DISC1: variants seen among roughly 807,000 people sequenced by gnomAD.
DISC1 encodes DISC1 scaffold protein.
DISC1 carries 57 observed loss-of-function variants against 84.5 expected under a neutral mutation model. The observed-to-expected ratio is 0.67, with a 90% CI of 0.55 to 0.84. The LOEUF (loss-of-function observed/expected upper bound fraction) is 0.84, where lower values mean the gene tolerates loss of function less well. Among genes scored for constraint, DISC1 ranks in the 40% least tolerant of loss-of-function variants. The probability of loss-of-function intolerance (pLI) is 0.00; values close to 1 mark genes in which losing one functional copy is unlikely to be tolerated. For missense variants in DISC1, 1,000 were observed against 1,057.8 expected, an observed-to-expected ratio of 0.95 and a Z score of 0.76; for synonymous variants, 411 against 415.2, an observed-to-expected ratio of 0.99 and a Z score of 0.12.
intron 4 of DISC1, among the ~76,000 whole-genome samples, chr1:231,761,169 G>A (rs1538978): frequency 0.15 from 22,887 of 152,128 alleles, 1,963 homozygotes; most frequent in Non-Finnish European, 0.2. Context: ...TGTGGGTTCC[G>A]GGTGTGATCT....
At chr1:232,023,785 T>A (rs1669184821) in intron 11 of DISC1, among the ~76,000 whole-genome samples, 1 of 152,188 alleles carries the variant, frequency 6.6e-6, no homozygotes, top group Non-Finnish European at 1.5e-5. Context: ...TTTTTCTCTC[T>A]TTAAGTGTGT....
In DISC1 at chr1:231,750,077, G is replaced by C; in HGVS notation, c.1268+1G>C. 1 of 1,612,788 alleles carries C rather than the reference G, an allele frequency of 6.2e-7. No individual in the cohort carries two copies. Among genetic ancestry groups the C allele is most frequent in the Non-Finnish European group, 8.5e-7 (1 of 1,179,450 alleles). On this transcript the variant is annotated splice_donor_variant, in intron 4 of 12. Coordinates refer to ENST00000439617, the MANE Select transcript of DISC1 (RefSeq NM_018662.3). LOFTEE classifies it high-confidence loss of function. ...CCTTGCGCCGTGGGGCCACTCAGCA[G>C]TGAGTACTTGTTATTGTCACCATTT...
intron 3 of DISC1, among the ~76,000 whole-genome samples, chr1:231,710,990 T>A (rs2067750098): frequency 6.6e-6 from 1 of 152,196 alleles, no homozygotes; most frequent in African/African-American, 2.4e-5. Context: ...CTATCTGTGG[T>A]CATTGTGGTC....
At chr1:231,857,991 C>T (rs2084385644) in intron 9 of DISC1, among the ~76,000 whole-genome samples, 1 of 152,144 alleles carries the variant, frequency 6.6e-6, no homozygotes, top group African/African-American at 2.4e-5. Flanking sequence ...CGCTATAGGC[C>T]CGGGTTAAAT....
intron 6 of DISC1, among the ~76,000 whole-genome samples, chr1:231,783,096 G>A (rs992859025): frequency 5.3e-5 from 8 of 152,144 alleles, no homozygotes; most frequent in Non-Finnish European, 1.2e-4. Context: ...TTTGGATCAC[G>A]TAACAGAATA....
chr1:231,669,942 G>A (rs144458132), intron 1 of DISC1, among the ~76,000 whole-genome samples: 116 of 152,022 alleles, frequency 7.6e-4, no homozygotes, highest in African/African-American at 2.7e-3. Context: ...TGCAGCACTA[G>A]TCACAACAGC....
chr1:231,992,262 C>T (rs1665303347), intron 10 of DISC1, among the ~76,000 whole-genome samples: 3 of 152,142 alleles, frequency 2.0e-5, no homozygotes, highest in Admixed American at 6.5e-5. Context: ...CCTTTGTCTC[C>T]GAATCTGTGC....
intron 1 of DISC1, among the ~76,000 whole-genome samples, chr1:231,678,520 G>C (rs530176219): frequency 2.4e-4 from 36 of 152,178 alleles, no homozygotes; most frequent in Non-Finnish European, 4.7e-4. Flanking sequence ...CAACTACCAT[G>C]CATGGAAGAT....
intron 9 of DISC1, among the ~76,000 whole-genome samples, chr1:231,853,233 C>T (rs980432521): frequency 1.3e-5 from 2 of 152,138 alleles, no homozygotes; most frequent in African/African-American, 4.8e-5. Flanking sequence ...TTTGTAGAAA[C>T]AAAATAATCA....
intron 10 of DISC1, among the ~76,000 whole-genome samples, chr1:231,978,563 G>A (rs1311696958): frequency 6.6e-6 from 1 of 152,170 alleles, no homozygotes; most frequent in East Asian, 1.9e-4. Flanking sequence ...ATGAAAAAGT[G>A]TTTGTGTATG....
At chr1:231,872,654 T>C (rs2085550874) in intron 9 of DISC1, among the ~76,000 whole-genome samples, 1 of 152,094 alleles carries the variant, frequency 6.6e-6, no homozygotes, top group African/African-American at 2.4e-5. Context: ...TGTGTCCCTC[T>C]TTCCATCTGT....
chr1:231,868,586 G>A (rs532097969), intron 9 of DISC1, among the ~76,000 whole-genome samples: 38 of 151,328 alleles, frequency 2.5e-4, no homozygotes, highest in African/African-American at 6.8e-4. Flanking sequence ...CAAACCAGGC[G>A]CAGTGGCTCA....
chr1:231,928,400 T>C (rs750181085), intron 9 of DISC1, among the ~76,000 whole-genome samples: 7 of 152,268 alleles, frequency 4.6e-5, no homozygotes, highest in Admixed American at 4.6e-4. Context: ...TATGGAAGGC[T>C]GTGCCCACCT....
chr1:231,834,623 G>T (rs2082495598), intron 9 of DISC1, among the ~76,000 whole-genome samples: 1 of 152,078 alleles, frequency 6.6e-6, no homozygotes, highest in Non-Finnish European at 1.5e-5. Flanking sequence ...TAGGTCAGGT[G>T]TAAGTTGAAT....
At chr1:231,863,644 C>T (rs914906317) in intron 9 of DISC1, among the ~76,000 whole-genome samples, 2 of 152,150 alleles carry the variant, frequency 1.3e-5, no homozygotes, top group Non-Finnish European at 2.9e-5. Flanking sequence ...GATTGAACTT[C>T]TCATAAAACT....
chr1:231,907,554 A>ATTT (rs1259883588), intron 9 of DISC1, among the ~76,000 whole-genome samples: 2 of 152,082 alleles, frequency 1.3e-5, no homozygotes, highest in Non-Finnish European at 2.9e-5. Flanking sequence ...TATGTGCCAC[A>ATTT]TTTGCTTAAT....
Position 232,017,527 on chromosome 1 carries a change from A to G in DISC1, c.2307+8478A>G, listed in dbSNP as rs1194105614. On this transcript the variant is annotated intron_variant, in intron 11 of 12. Coordinates refer to ENST00000439617, the MANE Select transcript of DISC1 (RefSeq NM_018662.3). ...CTGTGTAGCCTGTGACTTTCACTGC[A>G]GGAATTAAATATTTTTGTGGATAGG... 3.5e-5 allele frequency among the ~76,000 whole-genome samples: 5 copies of G among 143,048 alleles called. No individual in the cohort carries two copies. The Admixed American group carries it at 3.6e-4, about 10-fold the overall frequency. The allele number at this position is 143,048 out of a possible 152,430, so 93.8% of individuals were successfully genotyped here.
chr1:231,840,575 T>G (rs1423492980), intron 9 of DISC1, among the ~76,000 whole-genome samples: 2 of 152,144 alleles, frequency 1.3e-5, no homozygotes, highest in Non-Finnish European at 2.9e-5. Flanking sequence ...TAGCATCCTA[T>G]TCATACGATG....
chr1:232,000,123 C>G (rs768790094), intron 10 of DISC1, among the ~76,000 whole-genome samples: 1 of 152,042 alleles, frequency 6.6e-6, no homozygotes, highest in Non-Finnish European at 1.5e-5. Context: ...AGAGAATCAA[C>G]CGATACCAGC....
Sources: allele counts gnomAD v4.1 joint callset (sites outside exome capture counted in the v4.1 genomes callset), GRCh38; gene constraint gnomAD v4.1.1; transcripts MANE v1.5; gene names NCBI Gene and HGNC (gene_info 2026-07-23, HGNC 2026-07-21).